The following AK9 variants were observed in gnomAD, a reference collection of about 807,000 sequenced individuals.
AK9 encodes adenylate kinase domain containing 1.
A neutral mutation model predicts 239.6 loss-of-function variants in AK9; 191 were observed. The ratio of observed to expected loss-of-function variants is 0.80; its 90% CI spans 0.71 to 0.90. The LOEUF (loss-of-function observed/expected upper bound fraction) is 0.90, where lower values mean the gene tolerates loss of function less well. Ranked by LOEUF, AK9 falls within the 40% of genes least tolerant of loss-of-function variation. The pLI is 0.00. For missense variants in AK9, 1,995 were observed against 2,214.7 expected (o/e 0.90, Z 1.99); for synonymous variants, 689 against 721.0 (o/e 0.96, Z 0.71).
At chr6:109,588,243 G>T (rs1194370514) in intron 17 of AK9, among the ~76,000 whole-genome samples, 1 of 152,140 alleles carries the variant, frequency 6.6e-6, no homozygotes, top group Non-Finnish European at 1.5e-5. Context: ...GCTAATTTTT[G>T]TATTTTTAGT....
chr6:109,539,559 T>G (rs963607842), intron 27 of AK9, among the ~76,000 whole-genome samples: 1 of 152,192 alleles, frequency 6.6e-6, no homozygotes, highest in East Asian at 1.9e-4. Context: ...CTTCCTCCTT[T>G]AGCTCGGAGA....
At chr6:109,612,772 G>T (rs1364390085) in intron 15 of AK9, among the ~76,000 whole-genome samples, 2 of 151,620 alleles carry the variant, frequency 1.3e-5, no homozygotes, top group African/African-American at 4.8e-5. Flanking sequence ...ATTAGTAGGA[G>T]AAACTAAACA....
intron 26 of AK9, among the ~76,000 whole-genome samples, chr6:109,545,002 G>A (rs1783351607): frequency 6.6e-6 from 1 of 152,130 alleles, no homozygotes; most frequent in South Asian, 2.1e-4. Flanking sequence ...TATTCTAGAA[G>A]AGCTGGAAGA....
chr6:109,654,465 G>A (rs1562560926), intron 8 of AK9, among the ~76,000 whole-genome samples: 1 of 151,990 alleles, frequency 6.6e-6, no homozygotes, highest in Non-Finnish European at 1.5e-5. Flanking sequence ...CCAAGTAGCT[G>A]GGATTACAGG....
chr6:109,624,358 T>G (rs1362502396), intron 12 of AK9, among the ~76,000 whole-genome samples: 1 of 152,222 alleles, frequency 6.6e-6, no homozygotes, highest in African/African-American at 2.4e-5. Context: ...CATCTTGGTT[T>G]AGGCCCCCAT....
intron 10 of AK9, among the ~76,000 whole-genome samples, chr6:109,637,031 G>T (rs1189701583): frequency 6.6e-6 from 1 of 152,074 alleles, no homozygotes; most frequent in East Asian, 1.9e-4. Flanking sequence ...CAATGCAAGA[G>T]GGTTCTCATT....
At chr6:109,631,114 C>T (rs965551695) in intron 12 of AK9, among the ~76,000 whole-genome samples, 1 of 151,708 alleles carries the variant, frequency 6.6e-6, no homozygotes, top group Non-Finnish European at 1.5e-5. Flanking sequence ...GGACAATATC[C>T]TCATGATGTT....
At chr6:109,599,240 T>C (rs1361110461) in intron 17 of AK9, among the ~76,000 whole-genome samples, 1 of 152,194 alleles carries the variant, frequency 6.6e-6, no homozygotes, top group Admixed American at 6.5e-5. Flanking sequence ...CCATCTTGAA[T>C]TAATTTTTGT....
At position 109,612,110 on chromosome 6, in the gene AK9, G is replaced by A; in HGVS notation, c.1610-17C>T. ...CTTTTCCATCTGTGAATAAAACATT[G>A]TGAATGCCTAAAGAACGGTATTAAA... On this transcript the variant is annotated splice_polypyrimidine_tract_variant and intron_variant, in intron 15 of 40. Coordinates refer to ENST00000424296, the MANE Select transcript of AK9 (RefSeq NM_001145128.3). The A allele has an allele frequency of 1.4e-6, 2 of 1,465,406 alleles. No individual in the cohort carries two copies. Among genetic ancestry groups the A allele is most frequent in the Non-Finnish European group, 1.8e-6 (2 of 1,081,844 alleles). The allele number at this position is 1,465,406 out of a possible 1,614,324, so 90.8% of individuals were successfully genotyped here.
chr6:109,531,155 T>C (rs1032805917), intron 28 of AK9, among the ~76,000 whole-genome samples: 1 of 152,118 alleles, frequency 6.6e-6, no homozygotes, highest in Non-Finnish European at 1.5e-5. Flanking sequence ...AGAAAAAAAT[T>C]AGAGAATTTG....
intron 29 of AK9, among the ~76,000 whole-genome samples, chr6:109,518,765 C>T (rs1779518274): frequency 6.6e-6 from 1 of 151,822 alleles, no homozygotes; most frequent in Non-Finnish European, 1.5e-5. Context: ...ATTTAAATTT[C>T]TTTCCATATC....
At chr6:109,572,928 C>A (rs931345999) in intron 21 of AK9, among the ~76,000 whole-genome samples, 3 of 152,070 alleles carry the variant, frequency 2.0e-5, no homozygotes, top group Non-Finnish European at 4.4e-5. Context: ...CCAAATGAGA[C>A]CTCTGAGGTA....
At chr6:109,512,632 A>G (rs2128111382) in intron 32 of AK9, among the ~76,000 whole-genome samples, 1 of 152,264 alleles carries the variant, frequency 6.6e-6, no homozygotes, top group South Asian at 2.1e-4. Context: ...TTTGTTCTCT[A>G]TTCAGTCAGT....
intron 29 of AK9, 42 bp downstream of exon 29, chr6:109,528,969 A>C (rs571910774): frequency 1.3e-6 from 2 of 1,579,826 alleles, no homozygotes; most frequent in South Asian, 2.3e-5. Context: ...CCTGGGCAAC[A>C]GAGTGAGACC....
chr6:109,615,754 T>C (rs1481783714), intron 13 of AK9, among the ~76,000 whole-genome samples: 1 of 152,174 alleles, frequency 6.6e-6, no homozygotes, highest in Non-Finnish European at 1.5e-5. Context: ...GTAATTTCCT[T>C]GCTATTTAAA....
chr6:109,632,205 C>T (rs1796153986), intron 12 of AK9: 1 of 985,412 alleles, frequency 1.0e-6, no homozygotes, highest in Non-Finnish European at 1.2e-6. Flanking sequence ...GAAAATGATA[C>T]TCCGGCGCTT....
At chr6:109,526,055 A>G (rs140253919) in intron 29 of AK9, among the ~76,000 whole-genome samples, 3 of 152,312 alleles carry the variant, frequency 2.0e-5, no homozygotes, top group African/African-American at 7.2e-5. Flanking sequence ...CAACTACTGC[A>G]TGTTCTCATA....
chr6:109,593,471 T>A (rs1790565582), intron 17 of AK9, among the ~76,000 whole-genome samples: 1 of 151,832 alleles, frequency 6.6e-6, no homozygotes, highest in South Asian at 2.1e-4. Context: ...CTGAAACTAT[T>A]CCAAACGACA....
At chr6:109,638,652 T>C (rs969655372) in intron 10 of AK9, among the ~76,000 whole-genome samples, 2 of 152,040 alleles carry the variant, frequency 1.3e-5, no homozygotes, top group Non-Finnish European at 2.9e-5. Flanking sequence ...GTTAATTTTT[T>C]AAAAAAATTT....
Sources: allele counts gnomAD v4.1 joint callset (sites outside exome capture counted in the v4.1 genomes callset), GRCh38; gene constraint gnomAD v4.1.1; transcripts MANE v1.5; gene names NCBI Gene and HGNC (gene_info 2026-07-23, HGNC 2026-07-21).